The following PMS2 variants were observed in gnomAD, a reference collection of about 807,000 sequenced individuals.
PMS2 encodes the protein mismatch repair endonuclease PMS2.
Under a neutral mutation model 90.0 loss-of-function variants are expected in PMS2, and 69 were observed. The ratio of observed to expected loss-of-function variants is 0.77; its 90% CI spans 0.63 to 0.94. The LOEUF (loss-of-function observed/expected upper bound fraction) is 0.94. PMS2 is among the 40% of genes least tolerant of loss of function. The pLI, the probability that PMS2 is intolerant of heterozygous loss-of-function variation, is 0.00. For synonymous variants in PMS2, 332 were observed against 375.1 expected, an observed-to-expected ratio of 0.89 and a Z score of 1.33; for missense variants, 966 against 1,040.2, an observed-to-expected ratio of 0.93 and a Z score of 0.98.
At chr7:5,995,238 T>C (rs1312245534) in intron 8 of PMS2, among the ~76,000 whole-genome samples, 2 of 151,992 alleles carry the variant, frequency 1.3e-5, no homozygotes, top group African/African-American at 4.8e-5. Context: ...GGTTTTGTCA[T>C]GTTGGCCAGG....
chr7:5,985,260 G>C, intron 11 of PMS2, among the ~76,000 whole-genome samples: 1 of 145,258 alleles, frequency 6.9e-6, no homozygotes, highest in South Asian at 2.2e-4. Context: ...AATGTACTTA[G>C]CTAATTTTTT....
At chr7:5,994,390 C>A (rs1784131735) in intron 8 of PMS2, among the ~76,000 whole-genome samples, 1 of 151,224 alleles carries the variant, frequency 6.6e-6, no homozygotes, top group East Asian at 2.0e-4. Flanking sequence ...CAAAAAAAAA[C>A]CCAAAAAACA....
chr7:5,988,942 T>G lies in PMS2; in HGVS notation c.1144+858A>C, dbSNP rs1463322098. On this transcript the variant is annotated intron_variant, in intron 10 of 14. Coordinates refer to ENST00000265849, the MANE Select transcript of PMS2 (RefSeq NM_000535.7). ...ACAATCTTGGCTCACTGCAAGCCCC[T>G]CCTCCCGGGTTCACGCCATTCTCCT... Among the ~76,000 whole-genome samples, 4 of 152,060 alleles carry G rather than the reference T, an allele frequency of 2.6e-5. No homozygotes were observed. In the East Asian group the frequency reaches 7.8e-4, roughly 30 times the overall value.
chr7:6,004,533 T>C (rs762481864), intron 2 of PMS2: 1 of 158,266 alleles, frequency 6.3e-6, no homozygotes, highest in East Asian at 1.9e-4. Context: ...CTGACCAACA[T>C]GGAGAAACCC....
chr7:6,008,551 A>G (rs1291404098), intron 1 of PMS2, among the ~76,000 whole-genome samples: 1 of 152,120 alleles, frequency 6.6e-6, no homozygotes, highest in Non-Finnish European at 1.5e-5. Context: ...GGCGTTCGAG[A>G]CCAGCCTGGG....
At chr7:6,004,467 G>C (rs908550898) in intron 2 of PMS2, 1 of 174,982 alleles carries the variant, frequency 5.7e-6, no homozygotes, top group African/African-American at 2.4e-5. Flanking sequence ...TGTAATTCCA[G>C]CACTTTGGGA....
At chr7:6,000,749 G>A (rs1249607921) in intron 5 of PMS2, among the ~76,000 whole-genome samples, 1 of 152,170 alleles carries the variant, frequency 6.6e-6, no homozygotes, top group Non-Finnish European at 1.5e-5. Flanking sequence ...CCAGCACTTT[G>A]GGAGGCTGAG....
chr7:6,004,897 T>A (rs148674986), intron 2 of PMS2, among the ~76,000 whole-genome samples: 4,334 of 152,236 alleles, frequency 0.028, 107 homozygotes, highest in Non-Finnish European at 0.041. Flanking sequence ...TGGTTTTTTT[T>A]ATTTTATTAT....
At chr7:6,005,714 GTTA>G (rs1785662202) in intron 2 of PMS2, among the ~76,000 whole-genome samples, 175 bp downstream of exon 2, 1 of 152,290 alleles carries the variant, frequency 6.6e-6, no homozygotes, top group East Asian at 1.9e-4. Context: ...AATAAAAGCT[GTTA>G]TTATTATTAC....
At chr7:5,993,408 A>C (rs1378921374) in intron 8 of PMS2, among the ~76,000 whole-genome samples, 19 of 42,650 alleles carry the variant, frequency 4.5e-4, no homozygotes, top group African/African-American at 1.2e-3. Flanking sequence ...AGAAAAAAAA[A>C]CAAAATATTA....
intron 5 of PMS2, 124 bp downstream of exon 5, chr7:6,002,329 G>A (rs1368642833): frequency 2.7e-6 from 2 of 728,000 alleles, no homozygotes; most frequent in Non-Finnish European, 4.8e-6. Context: ...AATGAGAAAT[G>A]CAAATAAAGC....
intron 7 of PMS2, 97 bp downstream of exon 7, chr7:5,997,229 A>AG (rs1554301351): frequency 2.8e-6 from 2 of 715,060 alleles, no homozygotes; most frequent in African/African-American, 3.6e-5. Context: ...AAAAAAAAAA[A>AG]GACACGAAAC....
At chr7:5,982,632 T>A (rs1782411053) in intron 12 of PMS2, among the ~76,000 whole-genome samples, 192 bp downstream of exon 12, 1 of 152,192 alleles carries the variant, frequency 6.6e-6, no homozygotes, top group African/African-American at 2.4e-5. Context: ...GCACCGCGCC[T>A]GGCCAACTAG....
chr7:6,008,319 C>G (rs1207450359), intron 1 of PMS2, among the ~76,000 whole-genome samples: 2 of 152,118 alleles, frequency 1.3e-5, no homozygotes, highest in Admixed American at 1.3e-4. Flanking sequence ...TGCAAATGTG[C>G]TAGCCAAGAT....
In PMS2 at chr7:5,986,958, A is replaced by T. The variant is rs2128723085; in HGVS notation, c.1807T>A (p.Ser603Thr). The T allele has an allele frequency of 6.2e-7, 1 of 1,614,120 alleles. No individual in the cohort carries two copies. The highest frequency in any genetic ancestry group is 8.5e-7 in the Non-Finnish European group (1 of 1,179,956). ...ATTTTCACAGCTACATCAACCTGAG[A>T]GGCTGACATGTCCTGAGTATTTACT... The part of the protein sequence containing the change: ...KLVNTQDMSA[S>T]QVDVAVKINK... The change falls in exon 11 of 15, where the codon TCT (serine) becomes ACT (threonine). Residue 603 changes from serine (S) to threonine (T), a missense_variant. Coordinates refer to ENST00000265849, the MANE Select transcript of PMS2 (RefSeq NM_000535.7).
At chr7:5,982,683 C>G in intron 12 of PMS2, 141 bp downstream of exon 12, 2 of 1,298,644 alleles carry the variant, frequency 1.5e-6, no homozygotes, top group South Asian at 2.6e-5. Context: ...TAGATCTCTT[C>G]TTTTTTAAAG....
chr7:5,986,634 G>A (rs1782899399), intron 11 of PMS2, 125 bp downstream of exon 11: 1 of 710,834 alleles, frequency 1.4e-6, no homozygotes, highest in East Asian at 3.0e-5. Flanking sequence ...GGAGGCTGCA[G>A]TGAGCCAAGA....
rs1320574862 is a variant in PMS2 at position 5,978,431 on chromosome 7, C to T, written c.2275+165G>A. Among the ~76,000 whole-genome samples, 17 of 149,516 alleles carry T rather than the reference C, an allele frequency of 1.1e-4. 1 individual carries two copies. Among genetic ancestry groups the T allele is most frequent in the South Asian group, 2.1e-4 (1 of 4,682 alleles). On this transcript the variant is annotated intron_variant, in intron 13 of 14. Coordinates refer to ENST00000265849, the MANE Select transcript of PMS2 (RefSeq NM_000535.7). ...GATTACAGGCACCCGCCACCACGCC[C>T]GGCTACTTTTTGTATTTTCAGTAGA...
In PMS2 at chr7:5,986,988, T is replaced by G. The variant is rs1212790997; in HGVS notation, c.1777A>C (p.Lys593Gln). The G allele has an allele frequency of 6.2e-7, 1 of 1,614,070 alleles. No individual in the cohort carries two copies. Among genetic ancestry groups the G allele is most frequent in the Non-Finnish European group, 8.5e-7 (1 of 1,180,038 alleles). ...GACATGTCCTGAGTATTTACTAACT[T>G]TTGACAAATGTCAGAACTGGAAAGA... Reference protein sequence around the residue: ...EILSSSDICQKLVNTQDMSAS... With the variant: ...EILSSSDICQQLVNTQDMSAS... Residue 593 changes from lysine to glutamine, a missense_variant, in exon 11 of 15, where the codon AAG (lysine) becomes CAG (glutamine). Around this residue, in one of 2 missense-constraint regions of PMS2, gnomAD observed 871 missense variants for 802.4 expected, o/e 1.09. Coordinates refer to ENST00000265849, the MANE Select transcript of PMS2 (RefSeq NM_000535.7).
Sources: gnomAD v4.1 joint callset for allele counts (sites outside exome capture counted in the v4.1 genomes callset) on GRCh38, gnomAD v4.1.1 for gene constraint, gnomAD v4.1.1 regional missense constraint, MANE v1.5 for transcripts, NCBI Gene and HGNC (gene_info 2026-07-23, HGNC 2026-07-21) for gene names.